XRRA1: variants seen among roughly 807,000 people sequenced by gnomAD.
XRRA1 encodes the protein X-ray radiation resistance associated 1, also known as X-ray radiation resistance-associated protein 1.
XRRA1 carries 69 observed loss-of-function variants against 80.2 expected under a neutral mutation model. The observed-to-expected ratio is 0.86, with a 90% CI of 0.71 to 1.05. The LOEUF (loss-of-function observed/expected upper bound fraction) is 1.05. Among genes scored for constraint, XRRA1 ranks in the 50% least tolerant of loss-of-function variants. The pLI, the probability that XRRA1 is intolerant of heterozygous loss-of-function variation, is 0.00. For synonymous variants in XRRA1, 348 were observed against 389.9 expected, an observed-to-expected ratio of 0.89 and a Z score of 1.27; for missense variants, 967 against 976.4, an observed-to-expected ratio of 0.99 and a Z score of 0.13.
chr11:74,918,791 G>C (rs1314504240), intron 8 of XRRA1: 1 of 152,260 alleles, frequency 6.6e-6, no homozygotes, highest in Non-Finnish European at 1.5e-5. Context: ...CCAGAGCCAG[G>C]GAGAAGCAAC....
Position 74,921,317 on chromosome 11 carries a change from C to G in XRRA1, c.553G>C (p.Val185Leu). 6.2e-7 allele frequency: 1 copy of G among 1,613,932 alleles called. No homozygotes were observed. Among genetic ancestry groups the G allele is most frequent in the South Asian group, 1.1e-5 (1 of 91,078 alleles). Residue 185 changes from valine (V) to leucine (L), a missense_variant, in exon 8 of 19, where the codon GTG becomes CTG. Val to Leu is a conservative substitution (Grantham distance 32). Transcript: ENST00000684022. ...FLDLSFNSLT[V>L]EAICDLGILP... ...ATCCCCAAATCACAGATGGCCTCCACAGTCAGGCTGTTGAAGGAAAGGTCC... is the reference window on the plus strand; with the variant it reads ...ATCCCCAAATCACAGATGGCCTCCAGAGTCAGGCTGTTGAAGGAAAGGTCC...
intron 8 of XRRA1, chr11:74,910,651 G>A (rs1309377181): frequency 1.3e-5 from 2 of 152,174 alleles, no homozygotes; most frequent in African/African-American, 2.4e-5. Context: ...TTATCTTTAG[G>A]ATAGTGGGAA....
intron 10 of XRRA1, among the ~76,000 whole-genome samples, chr11:74,879,853 T>C (rs1332676749): frequency 3.3e-5 from 5 of 151,882 alleles, no homozygotes; most frequent in Non-Finnish European, 7.4e-5. Flanking sequence ...GATGTGCTGC[T>C]GGATTCGTTT....
intron 10 of XRRA1, among the ~76,000 whole-genome samples, chr11:74,868,629 AAAGCAAACGGATGGAGAAAAATCTACC>A (rs1365547206): frequency 6.6e-6 from 1 of 152,196 alleles, no homozygotes; most frequent in Admixed American, 6.5e-5. Flanking sequence ...CCATAGGCTG[AAAGCAAACGGATGGAGAAAAATCTACC>A]AAGCAAATGG....
intron 10 of XRRA1, among the ~76,000 whole-genome samples, chr11:74,894,421 A>G (rs2051671535): frequency 6.6e-6 from 1 of 152,182 alleles, no homozygotes; most frequent in African/African-American, 2.4e-5. Context: ...CCGTTCTCAC[A>G]TTGCTATAAG....
intron 5 of XRRA1, 116 bp from the exon 6 acceptor site, chr11:74,930,488 G>C (rs1489961772): frequency 3.9e-6 from 3 of 769,148 alleles, no homozygotes; most frequent in East Asian, 5.4e-5. Context: ...AAGGAATAAG[G>C]GACATCCCTA....
chr11:74,869,129 A>G (rs2044176915), intron 10 of XRRA1, among the ~76,000 whole-genome samples: 1 of 152,146 alleles, frequency 6.6e-6, no homozygotes. Context: ...TTTTAAAAAA[A>G]AATGAAATCA....
chr11:74,842,906 G>C lies in XRRA1; in HGVS notation c.*294C>G, dbSNP rs967281000. 5.1e-6 allele frequency: 2 copies of C among 391,402 alleles called. No homozygotes were observed. The highest frequency in any genetic ancestry group is 9.2e-6 in the Non-Finnish European group (2 of 218,506). The allele number at this position is 391,402 out of a possible 1,614,324, so 24.2% of individuals were successfully genotyped here. A position where few individuals can be genotyped will look rare whatever the true frequency, so the allele number is the denominator to read the frequency against. On this transcript the variant is annotated 3_prime_UTR_variant, in exon 19 of 19. Coordinates refer to ENST00000684022, the MANE Select transcript of XRRA1 (RefSeq NM_001378157.1). The stretch of plus-strand genomic sequence containing the variant: ...TGAACTGGAAAACCATTTTTAGAGG[G>C]AAGTGTGACAATGCTGCTGTGGCCT...
chr11:74,862,039 T>C (rs2042417566), intron 11 of XRRA1, among the ~76,000 whole-genome samples: 1 of 152,200 alleles, frequency 6.6e-6, no homozygotes, highest in Non-Finnish European at 1.5e-5. Flanking sequence ...ACCAATAGAA[T>C]GTGGAGAAGT....
At position 74,906,357 on chromosome 11, in the gene XRRA1, C is replaced by T. The variant is rs1384800480; in HGVS notation, c.885G>A (p.Arg295=). 6.2e-7 allele frequency: 1 copy of T among 1,613,992 alleles called. No individual in the cohort carries two copies. The highest frequency in any genetic ancestry group is 1.7e-5 in the Admixed American group (1 of 60,014). The change falls in exon 10 of 19, where the codon AGG becomes AGA. Residue 295 remains arginine, a synonymous_variant. Coordinates refer to ENST00000684022, the MANE Select transcript of XRRA1 (RefSeq NM_001378157.1). ...ATTGGGGCTCTTTATGGGGACTTCCCCTGCCTCCATTCCAGTCTACTGACT... is the reference window on the plus strand; with the variant it reads ...ATTGGGGCTCTTTATGGGGACTTCCTCTGCCTCCATTCCAGTCTACTGACT... ...YDESVDWNGG[R]GSPHKEPQFM...
intron 12 of XRRA1, among the ~76,000 whole-genome samples, chr11:74,854,723 ATAC>A (rs1284099768): frequency 6.6e-6 from 1 of 152,194 alleles, no homozygotes; most frequent in Non-Finnish European, 1.5e-5. Flanking sequence ...TTTCAGTAGA[ATAC>A]TACCTTTCTC....
intron 10 of XRRA1, among the ~76,000 whole-genome samples, chr11:74,873,793 A>C (rs1213145226): frequency 6.6e-6 from 1 of 152,132 alleles, no homozygotes; most frequent in Non-Finnish European, 1.5e-5. Context: ...GTCTGAAGGG[A>C]CCAGAGCATT....
rs200414319 is a variant in XRRA1, at chr11:74,907,224, G to A, written c.706C>T (p.Pro236Ser). The change falls in exon 9 of 19, where the codon CCA becomes TCA. Residue 236 changes from proline to serine, a missense_variant. Transcript: ENST00000684022. The stretch of plus-strand genomic sequence containing the variant: ...TCCAGCATCAGTGTCTCCAGCGCTG[G>A]GAACCTCAGGATGTACCTCTTGCTT... ...LTSKRYILRF[P>S]ALETLMLDDN... The A allele has an allele frequency of 6.2e-7, 1 of 1,613,960 alleles. No individual in the cohort carries two copies. Among genetic ancestry groups the A allele is most frequent in the Non-Finnish European group, 8.5e-7 (1 of 1,179,872 alleles).
At chr11:74,908,763 A>C (rs1023752926) in intron 8 of XRRA1, among the ~76,000 whole-genome samples, 2 of 152,180 alleles carry the variant, frequency 1.3e-5, no homozygotes, top group African/African-American at 4.8e-5. Flanking sequence ...GTTTAAGCAA[A>C]ACCATGAGGA....
chr11:74,916,201 T>C (rs540189190), intron 8 of XRRA1, among the ~76,000 whole-genome samples: 173 of 152,324 alleles, frequency 1.1e-3, no homozygotes, highest in Non-Finnish European at 4.3e-4. Context: ...TTTATATTCA[T>C]GTCATTCATC....
At chr11:74,910,077 T>C (rs1432982790) in intron 8 of XRRA1, 1 of 152,240 alleles carries the variant, frequency 6.6e-6, no homozygotes, top group African/African-American at 2.4e-5. Context: ...CTAAAAATAT[T>C]GCTCAAAAGA....
chr11:74,870,672 A>G (rs1392245014), intron 10 of XRRA1, among the ~76,000 whole-genome samples: 1 of 152,098 alleles, frequency 6.6e-6, no homozygotes, highest in African/African-American at 2.4e-5. Context: ...GGTCTACAGC[A>G]CCACCTAGTG....
chr11:74,863,181 G>A (rs1411969090), intron 10 of XRRA1, 160 bp from the exon 11 acceptor site: 1 of 702,234 alleles, frequency 1.4e-6, no homozygotes, highest in East Asian at 2.7e-5. Context: ...AGAGGAGCTG[G>A]CTGTGACATG....
chr11:74,942,183 G>A (rs1946460171), intron 2 of XRRA1, among the ~76,000 whole-genome samples: 1 of 152,134 alleles, frequency 6.6e-6, no homozygotes, highest in Admixed American at 6.5e-5. Flanking sequence ...GAGAACCGGG[G>A]GGTGGAGAGT....
Sources: allele counts gnomAD v4.1 joint callset (sites outside exome capture counted in the v4.1 genomes callset), GRCh38; gene constraint gnomAD v4.1.1; transcripts MANE v1.5; gene names NCBI Gene and HGNC (gene_info 2026-07-23, HGNC 2026-07-21).